MBNL3: variants seen among roughly 807,000 people sequenced by gnomAD.
MBNL3 encodes muscleblind-like protein 3.
Under a neutral mutation model 24.5 loss-of-function variants are expected in MBNL3, and 6 were observed. That is an observed-to-expected ratio of 0.25 (90% CI 0.13 to 0.48). The LOEUF is 0.48. Ranked by LOEUF, MBNL3 falls within the 20% of genes least tolerant of loss-of-function variation. The pLI, the probability that MBNL3 is intolerant of heterozygous loss-of-function variation, is 0.99. For synonymous variants in MBNL3, 100 were observed against 101.7 expected, an observed-to-expected ratio of 0.98 and a Z score of 0.10; for missense variants, 230 against 293.5, an observed-to-expected ratio of 0.78 and a Z score of 1.58.
intron 2 of MBNL3, chrX:132,429,732 A>G (rs1027465005): frequency 1.4e-4 from 16 of 111,955 alleles, no homozygotes; most frequent in Non-Finnish European, 1.7e-4. Flanking sequence ...GAGCAGCATG[A>G]CTGTGATAAG....
chrX:132,469,354 C>G (rs1947053914), intron 1 of MBNL3, among the ~76,000 whole-genome samples: 1 of 112,498 alleles, frequency 8.9e-6, no homozygotes, highest in African/African-American at 3.2e-5. Flanking sequence ...CATGCTAAAC[C>G]AATGGAAGTT....
At chrX:132,436,304 A>G (rs1162375129) in intron 2 of MBNL3, among the ~76,000 whole-genome samples, 2 of 111,944 alleles carry the variant, frequency 1.8e-5, no homozygotes, top group African/African-American at 3.2e-5. Context: ...AGCACTCAAC[A>G]TTCATGGATT....
intron 2 of MBNL3, among the ~76,000 whole-genome samples, chrX:132,424,866 A>G (rs1401423099): frequency 9.2e-6 from 1 of 109,277 alleles, no homozygotes; most frequent in Non-Finnish European, 1.9e-5. Flanking sequence ...GTGGGACAAT[A>G]GGAAAATTTG....
At chrX:132,450,214 G>T (rs1946019709) in intron 1 of MBNL3, among the ~76,000 whole-genome samples, 1 of 111,450 alleles carries the variant, frequency 9.0e-6, no homozygotes, top group South Asian at 3.8e-4. Context: ...GGCCTGTCTT[G>T]CTAGGTTGAG....
intron 1 of MBNL3, among the ~76,000 whole-genome samples, chrX:132,476,998 G>C (rs1016048339): frequency 1.8e-5 from 2 of 111,666 alleles, no homozygotes; most frequent in African/African-American, 6.5e-5. Flanking sequence ...ATGGGCAAAG[G>C]TATCCTATAA....
At chrX:132,455,460 T>C (rs1191431149) in intron 1 of MBNL3, among the ~76,000 whole-genome samples, 1 of 112,026 alleles carries the variant, frequency 8.9e-6, no homozygotes, top group African/African-American at 3.3e-5. Context: ...TATGAAAATA[T>C]TCCAAATAAA....
intron 6 of MBNL3, 90 bp from the exon 7 acceptor site, chrX:132,384,788 A>C (rs1049430653): frequency 1.3e-6 from 1 of 757,874 alleles, no homozygotes; most frequent in African/African-American, 2.2e-5. Flanking sequence ...CAGAAAGATT[A>C]TTTCTTTGCA....
At chrX:132,455,828 C>G (rs943474997) in intron 1 of MBNL3, among the ~76,000 whole-genome samples, 7 of 112,025 alleles carry the variant, frequency 6.2e-5, no homozygotes, top group Non-Finnish European at 1.3e-4. Flanking sequence ...GAAAGGCAAT[C>G]GCTTGCTTCT....
chrX:132,453,831 C>T (rs779525066), intron 1 of MBNL3, among the ~76,000 whole-genome samples: 7 of 111,471 alleles, frequency 6.3e-5, no homozygotes, highest in African/African-American at 2.0e-4. Flanking sequence ...GTGGCTCACA[C>T]CTGTCATCCT....
intron 1 of MBNL3, among the ~76,000 whole-genome samples, chrX:132,449,826 G>C (rs1174811270): frequency 1.8e-5 from 2 of 110,718 alleles, no homozygotes; most frequent in Non-Finnish European, 3.8e-5. Context: ...CTTCCTTCAG[G>C]AGCTCTTGTA....
chrX:132,402,089 T>C (rs975890397), intron 3 of MBNL3, among the ~76,000 whole-genome samples: 1 of 111,760 alleles, frequency 8.9e-6, no homozygotes, highest in Admixed American at 9.5e-5. Flanking sequence ...ATGCCAGCCA[T>C]GAATAGCATA....
intron 1 of MBNL3, among the ~76,000 whole-genome samples, chrX:132,443,954 G>A (rs976173085): frequency 7.3e-5 from 6 of 81,941 alleles, no homozygotes; most frequent in African/African-American, 2.5e-4. Context: ...ATCAAGCCAT[G>A]GTTCAAACTC....
rs925586660 is a variant in MBNL3 at position 132,369,706 on chromosome X, A to G, written c.*9960T>C. On this transcript the variant is annotated 3_prime_UTR_variant, in exon 9 of 9. Coordinates refer to ENST00000370853, the MANE Select transcript of MBNL3 (RefSeq NM_001386889.1). ...TTGCTGGTATTCATCCAGTTACACT[A>G]TGATTTTTTAAAAATAAATCTTTCC... The G allele has an allele frequency of 1.8e-5, 2 of 111,952 alleles. No individual in the cohort carries two copies. Among genetic ancestry groups the G allele is most frequent in the African/African-American group, 3.3e-5 (1 of 30,737 alleles). The allele number at this position is 111,952 out of a possible 1,213,427, so 9.2% of individuals were successfully genotyped here. A position where few individuals can be genotyped will look rare whatever the true frequency, so the allele number is the denominator to read the frequency against.
intron 1 of MBNL3, among the ~76,000 whole-genome samples, chrX:132,452,990 A>C (rs1946186979): frequency 8.9e-6 from 1 of 112,185 alleles, no homozygotes; most frequent in South Asian, 3.7e-4. Context: ...TTAAAGAATG[A>C]GAAGGATCTA....
intron 1 of MBNL3, among the ~76,000 whole-genome samples, chrX:132,464,680 A>C (rs1946800174): frequency 8.9e-6 from 1 of 112,237 alleles, no homozygotes; most frequent in South Asian, 3.7e-4. Context: ...TAACCACACA[A>C]AAGTCTTATT....
At chrX:132,433,821 T>C (rs1382364686) in intron 2 of MBNL3, among the ~76,000 whole-genome samples, 1 of 110,859 alleles carries the variant, frequency 9.0e-6, no homozygotes, top group Non-Finnish European at 1.9e-5. Flanking sequence ...GCTGGGGATC[T>C]TGAGTTTCCT....
chrX:132,400,852 A>G (rs1220325945), intron 3 of MBNL3, among the ~76,000 whole-genome samples: 2 of 112,247 alleles, frequency 1.8e-5, no homozygotes, highest in East Asian at 2.8e-4. Context: ...TCAATGCGGA[A>G]GTTCACATGA....
At chrX:132,384,132 CT>C (rs1935553898) in intron 7 of MBNL3, among the ~76,000 whole-genome samples, 1 of 112,057 alleles carries the variant, frequency 8.9e-6, no homozygotes, top group Non-Finnish European at 1.9e-5. Context: ...TGCCTAGCTT[CT>C]GTGCCAATGG....
intron 1 of MBNL3, among the ~76,000 whole-genome samples, chrX:132,458,676 A>G (rs980116714): frequency 9.0e-6 from 1 of 111,263 alleles, no homozygotes; most frequent in African/African-American, 3.3e-5. Flanking sequence ...TTCCCATGAC[A>G]TAAACACTTC....
Sources: gnomAD v4.1 joint callset for allele counts (sites outside exome capture counted in the v4.1 genomes callset) on GRCh38, gnomAD v4.1.1 for gene constraint, MANE v1.5 for transcripts, NCBI Gene and HGNC (gene_info 2026-07-23, HGNC 2026-07-21) for gene names.